KIF26B: variants seen among roughly 807,000 people sequenced by gnomAD.
KIF26B encodes kinesin family member 26B.
Under a neutral mutation model 151.2 loss-of-function variants are expected in KIF26B, and 63 were observed. That is an observed-to-expected ratio of 0.42 (90% CI 0.34 to 0.51). The LOEUF (loss-of-function observed/expected upper bound fraction) is 0.51. KIF26B is among the 20% of genes least tolerant of loss of function. The probability of loss-of-function intolerance (pLI) is 0.07; values close to 1 mark genes in which losing one functional copy is unlikely to be tolerated. For synonymous variants in KIF26B, 1,357 were observed against 1,262.1 expected (o/e 1.08, Z -1.59); for missense variants, 2,813 against 2,913.6 (o/e 0.97, Z 0.79).
At chr1:245,224,784 A>C (rs934950353) in intron 2 of KIF26B, among the ~76,000 whole-genome samples, 8 of 152,372 alleles carry the variant, frequency 5.3e-5, no homozygotes, top group Non-Finnish European at 1.0e-4. Flanking sequence ...TAAAAGTTCC[A>C]TTCCAACTGT....
intron 4 of KIF26B, among the ~76,000 whole-genome samples, chr1:245,497,558 A>C (rs997582214): frequency 8.5e-5 from 13 of 152,212 alleles, no homozygotes; most frequent in Non-Finnish European, 5.9e-5. Flanking sequence ...TTAAAGAAGA[A>C]ATTTCAGTGG....
chr1:245,394,069 C>G (rs777962554), intron 3 of KIF26B, among the ~76,000 whole-genome samples: 2 of 152,198 alleles, frequency 1.3e-5, no homozygotes, highest in Non-Finnish European at 2.9e-5. Context: ...GTTTTGAGGT[C>G]TGAACGGTGT....
rs113928029 is a variant in KIF26B, at chr1:245,181,199, TC to T, written c.465+24523del. Among the ~76,000 whole-genome samples the T allele has an allele frequency of 1.0e-3, 152 of 151,982 alleles. 1 individual carries two copies. The highest frequency in any genetic ancestry group is 3.4e-3 in the African/African-American group (139 of 41,432). ...GCTGTTTAACCTCTTTACCCCGATT[TC>T]CCCCCCTTCTTTCTTGCTCCCTTTC... is the stretch of plus-strand genomic sequence containing the variant. On this transcript the variant is annotated intron_variant, in intron 2 of 14. Coordinates refer to ENST00000407071, the MANE Select transcript of KIF26B (RefSeq NM_018012.4).
chr1:245,491,665 C>T (rs1486675899), intron 4 of KIF26B, among the ~76,000 whole-genome samples: 3 of 152,244 alleles, frequency 2.0e-5, no homozygotes, highest in South Asian at 2.1e-4. Context: ...CTCAGCACTT[C>T]GGGAGGCCGA....
At chr1:245,383,565 GA>G (rs1673467717) in intron 3 of KIF26B, among the ~76,000 whole-genome samples, 1 of 152,156 alleles carries the variant, frequency 6.6e-6, no homozygotes, top group South Asian at 2.1e-4. Flanking sequence ...TGCTTCCAGG[GA>G]TTAACTGCTG....
intron 4 of KIF26B, among the ~76,000 whole-genome samples, chr1:245,458,461 A>G (rs1659585637): frequency 6.6e-6 from 1 of 152,198 alleles, no homozygotes; most frequent in African/African-American, 2.4e-5. Context: ...TCCAGGCTCT[A>G]GACGCACATG....
At chr1:245,274,658 T>C (rs1670909461) in intron 2 of KIF26B, among the ~76,000 whole-genome samples, 1 of 152,206 alleles carries the variant, frequency 6.6e-6, no homozygotes, top group South Asian at 2.1e-4. Context: ...GTTCCAAGTC[T>C]TTGCTATTGT....
At chr1:245,204,079 C>CA (rs1669351657) in intron 2 of KIF26B, among the ~76,000 whole-genome samples, 5 of 152,170 alleles carry the variant, frequency 3.3e-5, no homozygotes, top group African/African-American at 1.2e-4. Flanking sequence ...CATCTTCACA[C>CA]GCAGATGCTG....
chr1:245,640,508 C>A (rs1325885619), intron 9 of KIF26B, among the ~76,000 whole-genome samples: 1 of 151,878 alleles, frequency 6.6e-6, no homozygotes, highest in African/African-American at 2.4e-5. Flanking sequence ...AGTCCATATA[C>A]ATTCCATGTT....
intron 2 of KIF26B, among the ~76,000 whole-genome samples, chr1:245,247,599 G>A (rs1040065546): frequency 1.3e-5 from 2 of 152,210 alleles, no homozygotes; most frequent in Non-Finnish European, 2.9e-5. Context: ...CTGGGCTGTC[G>A]CTGGAGCGAG....
At chr1:245,308,906 A>G (rs1671610985) in intron 2 of KIF26B, among the ~76,000 whole-genome samples, 1 of 152,246 alleles carries the variant, frequency 6.6e-6, no homozygotes, top group Non-Finnish European at 1.5e-5. Flanking sequence ...GAAGTACCCT[A>G]CAGACTGCAC....
intron 2 of KIF26B, among the ~76,000 whole-genome samples, chr1:245,238,269 G>C (rs1670150570): frequency 6.6e-6 from 1 of 152,132 alleles, no homozygotes; most frequent in Admixed American, 6.5e-5. Flanking sequence ...CCAAGAGGCA[G>C]AGGTTGCAGT....
intron 10 of KIF26B, among the ~76,000 whole-genome samples, chr1:245,682,744 C>A (rs2044455563): frequency 6.6e-6 from 1 of 152,148 alleles, no homozygotes; most frequent in African/African-American, 2.4e-5. Flanking sequence ...GCAGAACTCA[C>A]CCTCCACTGC....
intron 2 of KIF26B, among the ~76,000 whole-genome samples, chr1:245,237,746 G>C (rs3008472): frequency 0.61 from 92,033 of 152,066 alleles, 28,627 homozygotes; most frequent in Non-Finnish European, 0.67. Context: ...TTGTAGCTGG[G>C]TGCAGTGTTC....
chr1:245,378,592 A>G (rs6673033), intron 3 of KIF26B, among the ~76,000 whole-genome samples: 8,305 of 152,084 alleles, frequency 0.055, 775 homozygotes, highest in African/African-American at 0.19. Context: ...TCACTTTCCT[A>G]TGGGTTGAAG....
intron 3 of KIF26B, among the ~76,000 whole-genome samples, chr1:245,406,482 G>A (rs1016080546): frequency 1.3e-5 from 2 of 152,162 alleles, no homozygotes; most frequent in Non-Finnish European, 2.9e-5. Flanking sequence ...TGAAGAACTT[G>A]GACATGGAGG....
At chr1:245,185,760 A>T (rs768152530) in intron 2 of KIF26B, among the ~76,000 whole-genome samples, 1 of 152,246 alleles carries the variant, frequency 6.6e-6, no homozygotes, top group Non-Finnish European at 1.5e-5. Context: ...AATAACAGCC[A>T]CATCGACAAA....
chr1:245,398,305 G>A (rs1018444248), intron 3 of KIF26B, among the ~76,000 whole-genome samples: 5 of 152,168 alleles, frequency 3.3e-5, no homozygotes, highest in Non-Finnish European at 5.9e-5. Context: ...CAGGTCCCTT[G>A]ACCCCCGATA....
chr1:245,335,582 C>T lies in KIF26B; in HGVS notation c.466-31252C>T, dbSNP rs550276135. Among the ~76,000 whole-genome samples, 158 of 151,808 alleles carry T rather than the reference C, an allele frequency of 1.0e-3. 3 individuals carry two copies. The highest frequency in any genetic ancestry group is 2.9e-3 in the East Asian group (15 of 5,138). On this transcript the variant is annotated intron_variant, in intron 2 of 14. Coordinates refer to ENST00000407071, the MANE Select transcript of KIF26B (RefSeq NM_018012.4). ...CCCACGCAGGGAAAGGAGAGTCCCA[C>T]GCGGGAAAAGGAGAGTGCCACGCGG...
Sources: gnomAD v4.1 joint callset for allele counts (sites outside exome capture counted in the v4.1 genomes callset) on GRCh38, gnomAD v4.1.1 for gene constraint, MANE v1.5 for transcripts, NCBI Gene and HGNC (gene_info 2026-07-23, HGNC 2026-07-21) for gene names.